MCOLN3: variants seen among roughly 807,000 people sequenced by gnomAD.
The protein encoded by MCOLN3 is mucolipin-3.
MCOLN3 carries 62 observed loss-of-function variants against 69.4 expected under a neutral mutation model. The ratio of observed to expected loss-of-function variants is 0.89; its 90% CI spans 0.73 to 1.10. MCOLN3 has a LOEUF of 1.10. Ranked by LOEUF, MCOLN3 falls within the 50% of genes least tolerant of loss-of-function variation. The probability of loss-of-function intolerance (pLI) is 0.00; values close to 1 mark genes in which losing one functional copy is unlikely to be tolerated. For synonymous variants in MCOLN3, 183 were observed against 217.0 expected, an observed-to-expected ratio of 0.84 and a Z score of 1.38; for missense variants, 564 against 656.4, an observed-to-expected ratio of 0.86 and a Z score of 1.54.
At chr1:85,047,323 G>A (rs1314440322) in intron 1 of MCOLN3, 2 of 152,240 alleles carry the variant, frequency 1.3e-5, no homozygotes, top group Admixed American at 1.3e-4. Context: ...GGAAAAGTCA[G>A]GTTTACCCAG....
At position 85,032,973 on chromosome 1, in the gene MCOLN3, C is replaced by T. The variant is rs1174864738; in HGVS notation, c.551-17G>A. 6.2e-7 allele frequency: 1 copy of T among 1,608,794 alleles called. No individual in the cohort carries two copies. The highest frequency in any genetic ancestry group is 1.1e-5 in the South Asian group (1 of 90,964). ...AGAAACACTCTGCCATAGAAAGGAACAAAAACATGATACAGTACTTAAATA... is the reference window on the plus strand; with the variant it reads ...AGAAACACTCTGCCATAGAAAGGAATAAAAACATGATACAGTACTTAAATA... On this transcript the variant is annotated splice_polypyrimidine_tract_variant and intron_variant, in intron 4 of 12. Coordinates refer to ENST00000370589, the MANE Select transcript of MCOLN3 (RefSeq NM_018298.11).
chr1:85,048,139 C>G (rs1465503580), intron 1 of MCOLN3, among the ~76,000 whole-genome samples: 13 of 152,184 alleles, frequency 8.5e-5, no homozygotes, highest in Admixed American at 2.6e-4. Flanking sequence ...CAGAGCACCC[C>G]CACCCGCCCA....
At chr1:85,048,244 C>T (rs1335366548) in intron 1 of MCOLN3, among the ~76,000 whole-genome samples, 152 bp downstream of exon 1, 1 of 152,018 alleles carries the variant, frequency 6.6e-6, no homozygotes, top group East Asian at 1.9e-4. Context: ...AGCTCCAGCC[C>T]GCCTGCCCTC....
intron 3 of MCOLN3, among the ~76,000 whole-genome samples, chr1:85,040,596 T>C (rs989947507): frequency 6.6e-6 from 1 of 152,208 alleles, no homozygotes; most frequent in Non-Finnish European, 1.5e-5. Flanking sequence ...TTCAAGTGAA[T>C]TTTTAGGTCT....
chr1:85,047,932 A>G (rs1653456457), intron 1 of MCOLN3, among the ~76,000 whole-genome samples: 1 of 152,108 alleles, frequency 6.6e-6, no homozygotes. Flanking sequence ...CCCGGGCCTG[A>G]GCCCCCACTT....
At chr1:85,032,614 C>T (rs373188399) in intron 6 of MCOLN3, 82 bp downstream of exon 6, 34 of 1,011,544 alleles carry the variant, frequency 3.4e-5, no homozygotes, top group East Asian at 2.2e-4. Flanking sequence ...TTTATCACAC[C>T]GTAATCCAAG....
Position 85,018,925 on chromosome 1 carries a change from T to A in MCOLN3, c.*198A>T, listed in dbSNP as rs986230383. 1 of 522,318 alleles carries A rather than the reference T, an allele frequency of 1.9e-6. No homozygotes were observed. The highest frequency in any genetic ancestry group is 3.4e-5 in the East Asian group (1 of 29,360). The allele number at this position is 522,318 out of a possible 1,614,324, so 32.4% of individuals were successfully genotyped here. A position where few individuals can be genotyped will look rare whatever the true frequency, so the allele number is the denominator to read the frequency against. The stretch of plus-strand genomic sequence containing the variant: ...ATAGCTTTCCTCATTAAAGTTTTTT[T>A]AAAAACAATCCCAGCATAAAGTTGC... On this transcript the variant is annotated 3_prime_UTR_variant, in exon 13 of 13. Transcript: ENST00000370589.
At chr1:85,024,261 G>A (rs1221953491) in intron 9 of MCOLN3, among the ~76,000 whole-genome samples, 5 of 152,120 alleles carry the variant, frequency 3.3e-5, no homozygotes, top group African/African-American at 4.8e-5. Context: ...GTAAGTTAGC[G>A]GGAGGAATTA....
At chr1:85,039,549 C>T (rs1258728653) in intron 3 of MCOLN3, among the ~76,000 whole-genome samples, 2 of 152,026 alleles carry the variant, frequency 1.3e-5, no homozygotes, top group East Asian at 1.9e-4. Context: ...AGGAACAGAC[C>T]AAGACAACTA....
chr1:85,047,037 G>A (rs889835801), intron 1 of MCOLN3, among the ~76,000 whole-genome samples: 4 of 152,154 alleles, frequency 2.6e-5, no homozygotes, highest in African/African-American at 9.7e-5. Flanking sequence ...TTATCTATAG[G>A]ACTTAAAACG....
intron 3 of MCOLN3, among the ~76,000 whole-genome samples, chr1:85,035,832 T>G (rs1027791429): frequency 2.6e-5 from 4 of 152,208 alleles, no homozygotes; most frequent in Admixed American, 2.0e-4. Flanking sequence ...AATTCATGCA[T>G]GTACAGCTCT....
At chr1:85,037,691 G>A (rs1003909945) in intron 3 of MCOLN3, among the ~76,000 whole-genome samples, 1 of 152,210 alleles carries the variant, frequency 6.6e-6, no homozygotes, top group East Asian at 1.9e-4. Context: ...GAAGCAGCAG[G>A]GCTGTGTCCA....
intron 7 of MCOLN3, among the ~76,000 whole-genome samples, chr1:85,027,835 G>C (rs569435953): frequency 8.1e-4 from 124 of 152,316 alleles, no homozygotes; most frequent in African/African-American, 2.8e-3. Context: ...GGAGCCAATG[G>C]AGAGAGGTGG....
chr1:85,032,193 A>C (rs1652568534), intron 6 of MCOLN3, among the ~76,000 whole-genome samples: 1 of 152,232 alleles, frequency 6.6e-6, no homozygotes, highest in Admixed American at 6.5e-5. Context: ...GAGAAATGGA[A>C]GTACATTGTC....
Position 85,043,783 on chromosome 1 carries a change from A to G in MCOLN3, c.228+1350T>C, listed in dbSNP as rs749923680. Among the ~76,000 whole-genome samples, 6 of 152,092 alleles carry G rather than the reference A, an allele frequency of 3.9e-5. No individual in the cohort carries two copies. The South Asian group carries it at 1.2e-3, about 32-fold the overall frequency. ...ACTGAACATCCATTTTCAGGGTAATATAATAGAGAGAATGCCTGCCTTCAA... is the reference window on the plus strand; with the variant it reads ...ACTGAACATCCATTTTCAGGGTAATGTAATAGAGAGAATGCCTGCCTTCAA... On this transcript the variant is annotated intron_variant, in intron 2 of 12. Transcript: ENST00000370589.
intron 3 of MCOLN3, 46 bp downstream of exon 3, chr1:85,040,964 C>CA: frequency 6.3e-7 from 1 of 1,587,694 alleles, no homozygotes; most frequent in Non-Finnish European, 8.6e-7. Context: ...ACCATTTTTC[C>CA]AGTCTGTTCT....
At chr1:85,035,442 G>A (rs983116983) in intron 3 of MCOLN3, among the ~76,000 whole-genome samples, 1 of 152,266 alleles carries the variant, frequency 6.6e-6, no homozygotes, top group Non-Finnish European at 1.5e-5. Flanking sequence ...GTGTCTAAGA[G>A]GAATCTCTAG....
intron 4 of MCOLN3, 44 bp downstream of exon 4, chr1:85,034,054 T>A (rs530377724): frequency 6.3e-7 from 1 of 1,581,628 alleles, no homozygotes; most frequent in Admixed American, 1.7e-5. Context: ...AAATATAAAT[T>A]GAGGTGTTAA....
At chr1:85,022,520 CAA>C (rs1651996209) in intron 9 of MCOLN3, 120 bp from the exon 10 acceptor site, 2 of 634,940 alleles carry the variant, frequency 3.1e-6, no homozygotes, top group Non-Finnish European at 5.5e-6. Flanking sequence ...AGTGAACAAA[CAA>C]AAGTCTCTGC....
Sources: allele counts gnomAD v4.1 joint callset (sites outside exome capture counted in the v4.1 genomes callset), GRCh38; gene constraint gnomAD v4.1.1; transcripts MANE v1.5; gene names NCBI Gene and HGNC (gene_info 2026-07-23, HGNC 2026-07-21).